Variants in CREB5 observed in about 807,000 individuals in gnomAD.
CREB5 encodes cAMP responsive element binding protein 5.
In CREB5, 19 loss-of-function variants were observed where a neutral mutation model predicts 57.1. The ratio of observed to expected loss-of-function variants is 0.33; its 90% CI spans 0.23 to 0.49. The LOEUF (loss-of-function observed/expected upper bound fraction) is 0.49, where lower values mean the gene tolerates loss of function less well. CREB5 is among the 20% of genes least tolerant of loss of function. CREB5 has a pLI of 0.99. For synonymous variants in CREB5, 238 were observed against 238.3 expected, an observed-to-expected ratio of 1.00 and a Z score of 0.01; for missense variants, 579 against 671.6, an observed-to-expected ratio of 0.86 and a Z score of 1.52.
chr7:28,503,678 C>G (rs1554334329), intron 3 of CREB5, among the ~76,000 whole-genome samples: 2 of 152,130 alleles, frequency 1.3e-5, no homozygotes, highest in Non-Finnish European at 2.9e-5. Context: ...AAGCCCCAAG[C>G]ACGTTGAGCG....
intron 1 of CREB5, among the ~76,000 whole-genome samples, chr7:28,444,204 T>A (rs1789322947): frequency 6.6e-6 from 1 of 151,964 alleles, no homozygotes; most frequent in Non-Finnish European, 1.5e-5. Context: ...TTTGTGGGAG[T>A]CCCCTTGCCA....
At chr7:28,792,938 C>G (rs562495352) in intron 7 of CREB5, among the ~76,000 whole-genome samples, 1 of 152,318 alleles carries the variant, frequency 6.6e-6, no homozygotes, top group East Asian at 1.9e-4. Context: ...CCAGACCATT[C>G]ACAGGCAGAC....
At chr7:28,724,197 A>G (rs1431586675) in intron 6 of CREB5, 25 bp from the exon 7 acceptor site, 3 of 1,599,894 alleles carry the variant, frequency 1.9e-6, no homozygotes, top group Non-Finnish European at 2.6e-6. Flanking sequence ...GCAGACTTCT[A>G]ATTCTTTTCT....
upstream of CREB5, among the ~76,000 whole-genome samples, chr7:28,411,023 G>A (rs928770888): frequency 1.1e-4 from 16 of 152,148 alleles, no homozygotes; most frequent in African/African-American, 3.9e-4. Flanking sequence ...CCTGGAGTGT[G>A]GGTAAAAGCT....
chr7:28,564,159 C>T (rs192246278), intron 4 of CREB5, among the ~76,000 whole-genome samples: 1 of 152,344 alleles, frequency 6.6e-6, no homozygotes, highest in East Asian at 1.9e-4. Context: ...TGAAAGTCTT[C>T]ATAACTGCCC....
intron 7 of CREB5, among the ~76,000 whole-genome samples, chr7:28,796,174 ATTAAGCAGTGAC>A (rs1562646841): frequency 6.6e-6 from 1 of 152,232 alleles, no homozygotes; most frequent in Non-Finnish European, 1.5e-5. Flanking sequence ...CCCTGGAACC[ATTAAGCAGTGAC>A]TTAATCCTCC....
chr7:28,642,961 CACACACACACACACACACACACACAT>C (rs1324778993), intron 5 of CREB5, among the ~76,000 whole-genome samples: 2,096 of 90,692 alleles, frequency 0.023, 14 homozygotes, highest in Middle Eastern at 0.054. Flanking sequence ...TACACACACA[CACACACACACACACACACACACACAT>C]ACACACACAC....
At chr7:28,489,710 A>T (rs1256089181) in intron 2 of CREB5, among the ~76,000 whole-genome samples, 1 of 152,212 alleles carries the variant, frequency 6.6e-6, no homozygotes, top group Non-Finnish European at 1.5e-5. Context: ...ATCAACCACT[A>T]ACTGAACAAC....
chr7:28,357,557 A>G (rs1230841973), intron 1 of CREB5, among the ~76,000 whole-genome samples: 1 of 152,168 alleles, frequency 6.6e-6, no homozygotes, highest in Non-Finnish European at 1.5e-5. Context: ...TTTTCACTTA[A>G]GCAATGAAGA....
At chr7:28,594,869 CCTT>C (rs1376084808) in intron 5 of CREB5, among the ~76,000 whole-genome samples, 18 of 152,100 alleles carry the variant, frequency 1.2e-4, no homozygotes, top group Non-Finnish European at 7.3e-5. Flanking sequence ...TCTTCCTCCT[CCTT>C]CTGTTTTCTA....
In CREB5 at chr7:28,641,013, C is replaced by G. The variant is rs577271943; in HGVS notation, c.464+70476C>G. ...CCCCTTTTAGAAGGTTGGTTTTCCC[C>G]AAATGATTGAGTGTCATCCTGAACG... is the stretch of plus-strand genomic sequence containing the variant. On this transcript the variant is annotated intron_variant, in intron 5 of 10. Transcript: ENST00000357727. 7.2e-5 allele frequency among the ~76,000 whole-genome samples: 11 copies of G among 152,236 alleles called. No individual in the cohort carries two copies. The East Asian group carries it at 7.7e-4, about 11-fold the overall frequency.
intron 4 of CREB5, among the ~76,000 whole-genome samples, chr7:28,567,272 T>C (rs1795521310): frequency 6.6e-6 from 1 of 152,256 alleles, no homozygotes; most frequent in Non-Finnish European, 1.5e-5. Flanking sequence ...AGCCCATAAC[T>C]GAACCGTAAT....
At chr7:28,324,674 A>G (rs566174320) in intron 1 of CREB5, among the ~76,000 whole-genome samples, 5 of 152,298 alleles carry the variant, frequency 3.3e-5, no homozygotes, top group African/African-American at 1.2e-4. Flanking sequence ...GGTCTTCAAT[A>G]TAATCTGCAC....
At chr7:28,432,293 A>G (rs1158914021) in intron 1 of CREB5, among the ~76,000 whole-genome samples, 5 of 152,224 alleles carry the variant, frequency 3.3e-5, no homozygotes, top group Non-Finnish European at 7.3e-5. Context: ...CAAGAAATTC[A>G]TTCAGAAAAA....
chr7:28,345,119 C>T (rs189695003), intron 1 of CREB5, among the ~76,000 whole-genome samples: 22 of 152,222 alleles, frequency 1.4e-4, no homozygotes, highest in African/African-American at 5.1e-4. Context: ...CAGAAATTAA[C>T]AAGGAAATAC....
At chr7:28,631,199 G>A (rs1240652550) in intron 5 of CREB5, among the ~76,000 whole-genome samples, 2 of 152,152 alleles carry the variant, frequency 1.3e-5, no homozygotes, top group East Asian at 1.9e-4. Context: ...CCTAATCACT[G>A]ACTGCTTTAA....
chr7:28,691,438 A>AG (rs1365295188), intron 5 of CREB5, among the ~76,000 whole-genome samples: 56 of 152,042 alleles, frequency 3.7e-4, no homozygotes, highest in African/African-American at 1.3e-3. Context: ...AAAAAAAAAA[A>AG]AAAGTTTGTA....
intron 7 of CREB5, among the ~76,000 whole-genome samples, chr7:28,780,459 T>C (rs987906902): frequency 1.3e-5 from 2 of 152,180 alleles, no homozygotes; most frequent in Admixed American, 6.6e-5. Context: ...GAGTGGCTCA[T>C]GCCTGTAATC....
chr7:28,561,797 G>A (rs1024786119), intron 4 of CREB5, among the ~76,000 whole-genome samples: 6 of 152,232 alleles, frequency 3.9e-5, no homozygotes, highest in Non-Finnish European at 7.3e-5. Context: ...AGGCTGGAGT[G>A]CAGTGGTGCA....
Sources: gnomAD v4.1 joint callset for allele counts (sites outside exome capture counted in the v4.1 genomes callset) on GRCh38, gnomAD v4.1.1 for gene constraint, MANE v1.5 for transcripts, NCBI Gene and HGNC (gene_info 2026-07-23, HGNC 2026-07-21) for gene names.